Variants in NFATC1 observed in about 807,000 individuals in gnomAD.
NFATC1 encodes nuclear factor of activated T-cells, cytoplasmic 1.
A neutral mutation model predicts 76.0 loss-of-function variants in NFATC1; 22 were observed. The ratio of observed to expected loss-of-function variants is 0.29; its 90% CI spans 0.21 to 0.41. NFATC1 has a LOEUF of 0.41. NFATC1 is among the 10% of genes least tolerant of loss of function. The pLI is 1.00. For synonymous variants in NFATC1, 704 were observed against 613.1 expected, an observed-to-expected ratio of 1.15 and a Z score of -2.19; for missense variants, 1,357 against 1,337.7, an observed-to-expected ratio of 1.01 and a Z score of -0.23.
intron 8 of NFATC1, among the ~76,000 whole-genome samples, chr18:79,474,755 G>T (rs1427155451): frequency 1.3e-5 from 2 of 148,956 alleles, no homozygotes; most frequent in Non-Finnish European, 3.0e-5. Flanking sequence ...TGAGGGAAGC[G>T]TGTTCTCACG....
intron 1 of NFATC1, among the ~76,000 whole-genome samples, chr18:79,407,061 C>T (rs1175769387): frequency 6.6e-6 from 1 of 152,222 alleles, no homozygotes; most frequent in Non-Finnish European, 1.5e-5. Context: ...CAGAGGGCTA[C>T]AGTTTGCCTG....
At chr18:79,421,828 A>G (rs1042911991) in intron 2 of NFATC1, 1 of 152,282 alleles carries the variant, frequency 6.6e-6, no homozygotes, top group Admixed American at 6.5e-5. Context: ...CCCCGTGGCG[A>G]CATCACAGCT....
chr18:79,435,874 C>T (rs372474078), intron 3 of NFATC1, among the ~76,000 whole-genome samples: 14 of 152,194 alleles, frequency 9.2e-5, no homozygotes, highest in African/African-American at 2.9e-4. Flanking sequence ...CGGGAGAAAA[C>T]GGTCCCCTGC....
intron 8 of NFATC1, among the ~76,000 whole-genome samples, chr18:79,484,172 C>T (rs1020172099): frequency 6.6e-6 from 1 of 152,086 alleles, no homozygotes; most frequent in Non-Finnish European, 1.5e-5. Flanking sequence ...ACTGCAGAGG[C>T]AGCCCCTGGC....
At position 79,529,168 on chromosome 18, in the gene NFATC1, G is replaced by A. The variant is rs1275593689; in HGVS notation, c.*1591G>A. 3.3e-5 allele frequency: 5 copies of A among 152,244 alleles called. No homozygotes were observed. Among genetic ancestry groups the A allele is most frequent in the Admixed American group, 2.0e-4 (3 of 15,284 alleles). 9.4% of individuals were successfully genotyped at this position (152,244 alleles called of 1,614,324 possible). On this transcript the variant is annotated 3_prime_UTR_variant, in exon 10 of 10. Transcript: ENST00000427363. ...CGTAACCGTGAAGACGTGTGGCCGC[G>A]TCCCACCTGCGGCTGGGTACCCTGC...
chr18:79,450,849 C>A, intron 4 of NFATC1, 105 bp from the exon 5 acceptor site: 1 of 1,426,508 alleles, frequency 7.0e-7, no homozygotes, highest in East Asian at 2.3e-5. Context: ...CTGCCTGGCA[C>A]GAGCTCGTGG....
At chr18:79,466,489 G>A (rs2088500534) in intron 7 of NFATC1, among the ~76,000 whole-genome samples, 3 of 152,156 alleles carry the variant, frequency 2.0e-5, no homozygotes, top group Non-Finnish European at 4.4e-5. Context: ...TGGGGTCTCC[G>A]TGTCCCAGCC....
At position 79,411,120 on chromosome 18, in the gene NFATC1, C is replaced by T. The variant is rs758525737; in HGVS notation, c.845C>T (p.Ser282Leu). ...GRQPPYSPHH[S>L]PTPSPHGSPR... is the part of the protein sequence containing the mutation. ...CAGCCGCCCTACTCACCCCACCACT[C>T]GCCCACGCCGTCCCCGCACGGCTCC... The change falls in exon 2 of 10, where the codon TCG becomes TTG. Residue 282 changes from serine (S) to leucine (L), a missense_variant. Around this residue, in one of 3 missense-constraint regions of NFATC1, gnomAD observed 691 missense variants for 613.1 expected, o/e 1.13. Transcript: ENST00000427363. 6.8e-6 allele frequency: 11 copies of T among 1,612,296 alleles called. No individual in the cohort carries two copies. The highest frequency in any genetic ancestry group is 1.7e-4 in the Middle Eastern group (1 of 6,060).
At chr18:79,427,694 C>G in intron 2 of NFATC1, among the ~76,000 whole-genome samples, 1 of 68,104 alleles carries the variant, frequency 1.5e-5, no homozygotes, top group Non-Finnish European at 2.6e-5. Flanking sequence ...TGGCTGGCCT[C>G]TGTGCAGTGG....
intron 2 of NFATC1, among the ~76,000 whole-genome samples, chr18:79,431,014 C>T (rs531719740): frequency 2.0e-5 from 3 of 152,350 alleles, no homozygotes; most frequent in African/African-American, 4.8e-5. Context: ...CTGATCACCT[C>T]ACGTGGGAAA....
intron 1 of NFATC1, among the ~76,000 whole-genome samples, chr18:79,397,424 G>C (rs1568903345): frequency 9.5e-6 from 1 of 105,312 alleles, no homozygotes; most frequent in African/African-American, 2.9e-5. Flanking sequence ...CTTGAGAACC[G>C]GGCTCCCCCA....
At chr18:79,474,200 G>A (rs1186730331) in intron 8 of NFATC1, among the ~76,000 whole-genome samples, 2 of 57,224 alleles carry the variant, frequency 3.5e-5, no homozygotes, top group African/African-American at 1.8e-4. Context: ...TGAGGGAAGC[G>A]TGTTCTCATG....
intron 6 of NFATC1, among the ~76,000 whole-genome samples, chr18:79,459,964 T>A (rs973843141): frequency 6.6e-6 from 1 of 152,224 alleles, no homozygotes; most frequent in Admixed American, 6.5e-5. Context: ...GAGGACTTGC[T>A]GCTTCATGAA....
intron 9 of NFATC1, chr18:79,498,488 G>A (rs1459960061): frequency 6.6e-6 from 1 of 152,074 alleles, no homozygotes; most frequent in Non-Finnish European, 1.5e-5. Context: ...TATTTAGACT[G>A]AGGAACAGAA....
chr18:79,468,949 GA>G (rs1447620480), intron 8 of NFATC1: 2 of 148,332 alleles, frequency 1.3e-5, no homozygotes, highest in African/African-American at 5.3e-5. Context: ...GGATTGTGGG[GA>G]AGGGCCTCAC....
At chr18:79,519,427 G>A (rs2090460726) in intron 9 of NFATC1, among the ~76,000 whole-genome samples, 1 of 152,028 alleles carries the variant, frequency 6.6e-6, no homozygotes, top group Non-Finnish European at 1.5e-5. Context: ...CAACCTCCTG[G>A]GCTCAAGCCA....
intron 1 of NFATC1, chr18:79,400,158 A>G: frequency 4.4e-6 from 4 of 903,990 alleles, no homozygotes; most frequent in Non-Finnish European, 4.0e-6. Flanking sequence ...GGCGGGGGGG[A>G]CACGAGTTTA....
intron 3 of NFATC1, among the ~76,000 whole-genome samples, chr18:79,434,497 C>T (rs77484655): frequency 0.057 from 8,692 of 152,340 alleles, 364 homozygotes; most frequent in East Asian, 0.12. Context: ...GCATTTTCTT[C>T]GTTCCACCTG....
At chr18:79,433,026 C>T (rs530453397) in intron 2 of NFATC1, among the ~76,000 whole-genome samples, 2 of 152,338 alleles carry the variant, frequency 1.3e-5, no homozygotes, top group East Asian at 3.9e-4. Flanking sequence ...TTGCTCCCAC[C>T]GCCCTCCATG....
Sources: allele counts gnomAD v4.1 joint callset (sites outside exome capture counted in the v4.1 genomes callset), GRCh38; gene constraint gnomAD v4.1.1; regional missense constraint gnomAD v4.1.1; transcripts MANE v1.5; gene names NCBI Gene and HGNC (gene_info 2026-07-23, HGNC 2026-07-21).